The following KLRG1 variants were observed in gnomAD, a reference collection of about 807,000 sequenced individuals.
The protein encoded by KLRG1 is killer cell lectin like receptor G1.
A neutral mutation model predicts 21.8 loss-of-function variants in KLRG1; 16 were observed. The ratio of observed to expected loss-of-function variants is 0.73; its 90% confidence interval spans 0.50 to 1.11. KLRG1 has a LOEUF of 1.11. Ranked by LOEUF, KLRG1 falls within the 50% of genes most tolerant of loss-of-function variation. The pLI is 0.00. For missense variants in KLRG1, 173 were observed against 218.3 expected (o/e 0.79, Z 1.31); for synonymous variants, 69 against 75.9 (o/e 0.91, Z 0.47).
the KLRG1 span, chr12:9,157,285 C>A: frequency 4.3e-6 from 7 of 1,613,838 alleles, no homozygotes; most frequent in African/African-American, 9.3e-5. Context: ...GACATGGCTC[C>A]CATGGGTCCC....
chr12:9,189,772 A>G, the KLRG1 span, among the ~76,000 whole-genome samples: 2 of 152,240 alleles, frequency 1.3e-5, no homozygotes, highest in Non-Finnish European at 2.9e-5. Flanking sequence ...TAGCATCTGT[A>G]TAGAATTTAA....
chr12:9,020,303 G>A, the KLRG1 span, among the ~76,000 whole-genome samples: 1 of 152,116 alleles, frequency 6.6e-6, no homozygotes, highest in African/African-American at 2.4e-5. Context: ...AGTTTTGATA[G>A]GTGTATATAT....
chr12:9,110,249 A>G, the KLRG1 span: 2 of 1,317,736 alleles, frequency 1.5e-6, no homozygotes. Flanking sequence ...AAAACCTCTG[A>G]AATAAGAACA....
At chr12:9,028,146 C>CTT in the KLRG1 span, 10 of 503,464 alleles carry the variant, frequency 2.0e-5, no homozygotes, top group South Asian at 6.6e-5. Flanking sequence ...TCGTCGTCTT[C>CTT]TTCTTTTTTT....
At chr12:9,202,377 A>C in the KLRG1 span, 1 of 1,614,154 alleles carries the variant, frequency 6.2e-7, no homozygotes, top group South Asian at 1.1e-5. Context: ...TCTTACTGGA[A>C]AAGTAGTTCT....
chr12:9,169,236 C>G, the KLRG1 span, among the ~76,000 whole-genome samples: 1 of 151,948 alleles, frequency 6.6e-6, no homozygotes, highest in Non-Finnish European at 1.5e-5. Flanking sequence ...GAGGTTAGAT[C>G]TAGCCCTGAC....
At chr12:9,213,933 TCTC>T in the KLRG1 span, among the ~76,000 whole-genome samples, 3 of 152,102 alleles carry the variant, frequency 2.0e-5, no homozygotes, top group African/African-American at 7.2e-5. Context: ...TATACCTATG[TCTC>T]CTCCTAGGAG....
At chr12:8,960,328 G>A (rs766484603) in intron 1 of KLRG1, among the ~76,000 whole-genome samples, 5 of 152,252 alleles carry the variant, frequency 3.3e-5, no homozygotes, top group South Asian at 4.1e-4. Context: ...AGAGAGATGC[G>A]CAAAGAGTGA....
chr12:9,084,444 T>C, the KLRG1 span, among the ~76,000 whole-genome samples: 1 of 152,176 alleles, frequency 6.6e-6, no homozygotes, highest in East Asian at 1.9e-4. Context: ...ACATAAAATG[T>C]GTGTGGGGGA....
At chr12:9,041,075 C>A in the KLRG1 span, among the ~76,000 whole-genome samples, 2 of 152,346 alleles carry the variant, frequency 1.3e-5, no homozygotes, top group African/African-American at 4.8e-5. Flanking sequence ...GTGGATCATA[C>A]CTGTAATCTT....
At chr12:9,198,150 A>G in the KLRG1 span, among the ~76,000 whole-genome samples, 21 of 151,258 alleles carry the variant, frequency 1.4e-4, no homozygotes, top group Middle Eastern at 6.8e-3. Flanking sequence ...AAAGTTCCCA[A>G]CTAGCATGGG....
chr12:9,104,043 T>C, the KLRG1 span, among the ~76,000 whole-genome samples: 1 of 152,356 alleles, frequency 6.6e-6, no homozygotes. Flanking sequence ...ACTGCTAAAG[T>C]CTAACCCGCA....
At chr12:9,169,546 T>C in the KLRG1 span, 1 of 1,613,084 alleles carries the variant, frequency 6.2e-7, no homozygotes, top group African/African-American at 1.3e-5. Context: ...TGGTCCACAT[T>C]GTCAGGAAAA....
the KLRG1 span, among the ~76,000 whole-genome samples, chr12:9,090,948 T>C: frequency 5.9e-5 from 9 of 152,194 alleles, no homozygotes; most frequent in African/African-American, 1.7e-4. Flanking sequence ...GTCATGAGAA[T>C]AGAGTACTGA....
intron 1 of KLRG1, among the ~76,000 whole-genome samples, chr12:8,973,433 G>A (rs79292858): frequency 0.033 from 4,967 of 152,164 alleles, 106 homozygotes; most frequent in Non-Finnish European, 0.05. Context: ...CCAGGTAGTC[G>A]CCTTTTGCCC....
At chr12:8,964,195 A>C (rs942153086) in intron 1 of KLRG1, among the ~76,000 whole-genome samples, 2 of 152,200 alleles carry the variant, frequency 1.3e-5, no homozygotes, top group African/African-American at 4.8e-5. Context: ...TTCCCTCTAC[A>C]CACTGCTTTG....
At chr12:9,077,889 T>C in the KLRG1 span, 2 of 1,613,850 alleles carry the variant, frequency 1.2e-6, no homozygotes, top group Non-Finnish European at 1.7e-6. Flanking sequence ...ATGATGTTTA[T>C]GTTGTCAAAA....
At chr12:8,962,950 G>A (rs4140912) in intron 1 of KLRG1, among the ~76,000 whole-genome samples, 149,332 of 152,188 alleles carry the variant, frequency 0.98, 73,322 homozygotes, top group East Asian at 1. Context: ...AAGATGCTCA[G>A]TAGATTTTAG....
chr12:8,989,447 A>T, upstream of KLRG1: 2 of 516,876 alleles, frequency 3.9e-6, no homozygotes, highest in Non-Finnish European at 6.8e-6. Context: ...GGGCAAAAAA[A>T]TAGCAACTTA....
Sources: gnomAD v4.1 joint callset for allele counts (sites outside exome capture counted in the v4.1 genomes callset) on GRCh38, gnomAD v4.1.1 for gene constraint, MANE v1.5 for transcripts, NCBI Gene and HGNC (gene_info 2026-07-23, HGNC 2026-07-21) for gene names.